MARCHF1: variants seen among roughly 807,000 people sequenced by gnomAD.
The protein encoded by MARCHF1 is membrane associated ring-CH-type finger 1.
In MARCHF1, 40 loss-of-function variants were observed where a neutral mutation model predicts 54.2. The ratio of observed to expected loss-of-function variants is 0.74; its 90% CI spans 0.57 to 0.96. The LOEUF (loss-of-function observed/expected upper bound fraction) is 0.96. Ranked by LOEUF, MARCHF1 falls within the 40% of genes least tolerant of loss-of-function variation. MARCHF1 has a pLI of 0.00. For synonymous variants in MARCHF1, 236 were observed against 236.3 expected, an observed-to-expected ratio of 1.00 and a Z score of 0.01; for missense variants, 586 against 656.5, an observed-to-expected ratio of 0.89 and a Z score of 1.17.
In MARCHF1 at chr4:164,330,588, T is replaced by C. The variant is rs150734554; in HGVS notation, c.-323+53282A>G. ...AGATTATTATAATTTCCCTTGAAAATACATAAACAGAAAAAGCCAAACATG... is the reference window on the plus strand; with the variant it reads ...AGATTATTATAATTTCCCTTGAAAACACATAAACAGAAAAAGCCAAACATG... On this transcript the variant is annotated intron_variant, in intron 1 of 9. Transcript: ENST00000514618. Among the ~76,000 whole-genome samples the C allele has an allele frequency of 3.4e-3, 523 of 152,204 alleles. 4 individuals are homozygous for C. Among genetic ancestry groups the C allele is most frequent in the African/African-American group, 0.011 (475 of 41,524 alleles).
At chr4:164,206,461 C>T (rs1731609800) in intron 1 of MARCHF1, among the ~76,000 whole-genome samples, 2 of 152,056 alleles carry the variant, frequency 1.3e-5, no homozygotes, top group Non-Finnish European at 2.9e-5. Flanking sequence ...AATTTTATTT[C>T]ATAATACACA....
At chr4:163,940,415 CA>C (rs1419136923) in intron 3 of MARCHF1, among the ~76,000 whole-genome samples, 2 of 151,722 alleles carry the variant, frequency 1.3e-5, no homozygotes, top group African/African-American at 2.4e-5. Context: ...ATAAATATGC[CA>C]AAAAGAGGCA....
chr4:163,970,373 G>C (rs1035458826), intron 3 of MARCHF1, among the ~76,000 whole-genome samples: 3 of 152,146 alleles, frequency 2.0e-5, no homozygotes, highest in Admixed American at 6.5e-5. Flanking sequence ...GGCCACCTGG[G>C]AAATACACCG....
intron 1 of MARCHF1, among the ~76,000 whole-genome samples, chr4:164,181,037 T>G (rs975833298): frequency 6.6e-6 from 1 of 152,156 alleles, no homozygotes; most frequent in Non-Finnish European, 1.5e-5. Flanking sequence ...AAAATCCTAT[T>G]TTACTGGAGT....
chr4:164,281,533 C>T lies in MARCHF1; in HGVS notation c.-323+102337G>A, dbSNP rs150718201. On this transcript the variant is annotated intron_variant, in intron 1 of 9. Coordinates refer to ENST00000514618, the MANE Select transcript of MARCHF1 (RefSeq NM_001394959.1). ...TACCCAAAAACAGAGGTGGCTGGAA[C>T]GAGAAGAAAAGACATTATCAAGTAG... is the stretch of plus-strand genomic sequence containing the variant. Among the ~76,000 whole-genome samples, 420 of 151,960 alleles carry T rather than the reference C, an allele frequency of 2.8e-3. 1 individual carries two copies. Among genetic ancestry groups the T allele is most frequent in the African/African-American group, 9.3e-3 (386 of 41,436 alleles).
intron 2 of MARCHF1, among the ~76,000 whole-genome samples, chr4:164,045,511 T>TAAA (rs1754223392): frequency 6.9e-6 from 1 of 145,334 alleles, no homozygotes; most frequent in African/African-American, 2.6e-5. Flanking sequence ...GACTCCATCT[T>TAAA]TAAATAAATA....
chr4:163,951,789 C>T (rs1012251967), intron 3 of MARCHF1, among the ~76,000 whole-genome samples: 7 of 152,106 alleles, frequency 4.6e-5, no homozygotes, highest in Admixed American at 1.3e-4. Flanking sequence ...GTAAGAGTTA[C>T]GCTCCTGGTT....
chr4:164,339,259 A>G (rs1370895174), intron 1 of MARCHF1, among the ~76,000 whole-genome samples: 2 of 152,188 alleles, frequency 1.3e-5, no homozygotes, highest in Non-Finnish European at 2.9e-5. Context: ...TCCATCCAAC[A>G]GCAGCAGAAT....
At chr4:164,102,682 G>A (rs796263288) in intron 2 of MARCHF1, among the ~76,000 whole-genome samples, 1 of 151,388 alleles carries the variant, frequency 6.6e-6, no homozygotes, top group African/African-American at 2.4e-5. Flanking sequence ...AAAGACCATC[G>A]AGACTAGGAA....
intron 5 of MARCHF1, among the ~76,000 whole-genome samples, chr4:163,628,177 T>C (rs1369855711): frequency 1.3e-5 from 2 of 152,100 alleles, no homozygotes; most frequent in Admixed American, 6.6e-5. Context: ...ACTCAAAATA[T>C]AGAAATAACT....
chr4:164,175,018 A>G (rs1222620934), intron 1 of MARCHF1, among the ~76,000 whole-genome samples: 3 of 152,194 alleles, frequency 2.0e-5, no homozygotes, highest in Admixed American at 1.3e-4. Context: ...TTGAACTGTG[A>G]GCAGAGCAGA....
rs370506084 is a variant in MARCHF1 at position 163,971,629 on chromosome 4, C to G, written c.-39+16872G>C. Among the ~76,000 whole-genome samples the G allele has an allele frequency of 3.1e-4, 47 of 152,264 alleles. No homozygotes were observed. In the East Asian group the frequency reaches 6.8e-3, roughly 22 times the overall value. ...GGCTTGTCAAACATGGAGGCTGGAC[C>G]AGGGTGGAGTTACAGAAACTAAAAC... On this transcript the variant is annotated intron_variant, in intron 3 of 9. Coordinates refer to ENST00000514618, the MANE Select transcript of MARCHF1 (RefSeq NM_001394959.1).
intron 5 of MARCHF1, among the ~76,000 whole-genome samples, chr4:163,650,555 G>T (rs1301860660): frequency 1.3e-5 from 2 of 151,952 alleles, no homozygotes; most frequent in Non-Finnish European, 2.9e-5. Flanking sequence ...CAGGTGTAAA[G>T]TGTCATAGTA....
chr4:163,548,459 T>TA (rs1738986198), intron 8 of MARCHF1, among the ~76,000 whole-genome samples: 3 of 152,140 alleles, frequency 2.0e-5, no homozygotes, highest in South Asian at 4.1e-4. Flanking sequence ...AATAGAAAAA[T>TA]ATCAGTGGGG....
At chr4:163,616,803 A>G (rs1741526025) in intron 5 of MARCHF1, among the ~76,000 whole-genome samples, 1 of 151,720 alleles carries the variant, frequency 6.6e-6, no homozygotes, top group African/African-American at 2.4e-5. Context: ...CATATATACT[A>G]TTGTTGGAAT....
At chr4:164,345,850 C>T (rs1052538785) in intron 1 of MARCHF1, among the ~76,000 whole-genome samples, 3 of 151,852 alleles carry the variant, frequency 2.0e-5, no homozygotes, top group Non-Finnish European at 2.9e-5. Flanking sequence ...CTCCTGAATT[C>T]CATAACTTCA....
chr4:163,675,858 A>T (rs1269853765), intron 5 of MARCHF1, among the ~76,000 whole-genome samples: 3 of 152,138 alleles, frequency 2.0e-5, no homozygotes, highest in African/African-American at 7.2e-5. Flanking sequence ...TTTGTAAGGA[A>T]TAAACACATT....
chr4:163,797,547 A>G (rs1747952663), intron 4 of MARCHF1, among the ~76,000 whole-genome samples: 1 of 152,000 alleles, frequency 6.6e-6, no homozygotes, highest in South Asian at 2.1e-4. Flanking sequence ...TGTTATTCTT[A>G]GTTTTAATTA....
At chr4:163,875,794 G>A (rs977519363) in intron 3 of MARCHF1, among the ~76,000 whole-genome samples, 1 of 152,130 alleles carries the variant, frequency 6.6e-6, no homozygotes, top group Non-Finnish European at 1.5e-5. Flanking sequence ...TCAATACACA[G>A]TTTGAAGAAA....
Sources: gnomAD v4.1 joint callset for allele counts (sites outside exome capture counted in the v4.1 genomes callset) on GRCh38, gnomAD v4.1.1 for gene constraint, MANE v1.5 for transcripts, NCBI Gene and HGNC (gene_info 2026-07-23, HGNC 2026-07-21) for gene names.